ARHGEF2: variants seen among roughly 807,000 people sequenced by gnomAD.
ARHGEF2 encodes rho guanine nucleotide exchange factor 2.
Under a neutral mutation model 121.0 loss-of-function variants are expected in ARHGEF2, and 22 were observed. The observed-to-expected ratio is 0.18, with a 90% CI of 0.13 to 0.26. The LOEUF (loss-of-function observed/expected upper bound fraction) is 0.26, where lower values mean the gene tolerates loss of function less well. Ranked by LOEUF, ARHGEF2 falls within the 10% of genes least tolerant of loss-of-function variation. The pLI, the probability that ARHGEF2 is intolerant of heterozygous loss-of-function variation, is 1.00. For synonymous variants in ARHGEF2, 487 were observed against 530.0 expected, an observed-to-expected ratio of 0.92 and a Z score of 1.11; for missense variants, 907 against 1,336.0, an observed-to-expected ratio of 0.68 and a Z score of 5.01.
intron 14 of ARHGEF2, among the ~76,000 whole-genome samples, chr1:155,954,487 A>G (rs1295528039): frequency 6.9e-6 from 1 of 145,632 alleles, no homozygotes; most frequent in Non-Finnish European, 1.5e-5. Context: ...ACGGGGTTTC[A>G]CCGTGTTAGC....
chr1:155,954,531 G>C (rs79674867), intron 14 of ARHGEF2, among the ~76,000 whole-genome samples: 1 of 139,338 alleles, frequency 7.2e-6, no homozygotes, highest in Non-Finnish European at 1.5e-5. Context: ...CTCGTGATCC[G>C]CCCACCTCGG....
Position 155,961,224 on chromosome 1 carries a change from T to C in ARHGEF2, c.1468+437A>G, listed in dbSNP as rs189808752. ...TTCTGCCACAGAGATCCTATTTTTC[T>C]CTCCCACTGAGTCTCACTGTTGTAT... On this transcript the variant is annotated intron_variant, in intron 11 of 21. Transcript: ENST00000361247. The surrounding 1 kb of genome is among the most constrained non-coding windows in gnomAD (Gnocchi z 4.7). Among the ~76,000 whole-genome samples the C allele has an allele frequency of 6.6e-6, 1 of 152,092 alleles. No homozygotes were observed. Among genetic ancestry groups the C allele is most frequent in the East Asian group, 1.9e-4 (1 of 5,184 alleles).
chr1:155,969,544 C>T (rs894461017), intron 1 of ARHGEF2: 24 of 1,349,912 alleles, frequency 1.8e-5, no homozygotes, highest in East Asian at 5.9e-5. Flanking sequence ...CTGGCCCCTA[C>T]GGCTGGGCTG....
At chr1:155,979,411 AT>A, upstream of ARHGEF2, 1 of 825,192 alleles carries the variant, frequency 1.2e-6, no homozygotes, top group Non-Finnish European at 1.5e-6. Context: ...AAGGTGGGGC[AT>A]TCATCTCTCT....
intron 14 of ARHGEF2, among the ~76,000 whole-genome samples, chr1:155,953,746 CAAAAAAAAAAAA>C (rs926082849): frequency 4.4e-5 from 2 of 45,314 alleles, no homozygotes; most frequent in Non-Finnish European, 9.5e-5. Context: ...GACCCTGTCT[CAAAAAAAAAAAA>C]AAAAAAAAGA....
chr1:155,957,646 G>T, intron 13 of ARHGEF2, 67 bp downstream of exon 13: 2 of 1,505,900 alleles, frequency 1.3e-6, no homozygotes. Flanking sequence ...GGAGTTCTAT[G>T]GTTGGGATCT....
Position 155,978,461 on chromosome 1 carries a change from G to T in ARHGEF2, c.-34C>A, listed in dbSNP as rs1171746334. On this transcript the variant is annotated 5_prime_UTR_variant, in exon 1 of 22. Transcript: ENST00000361247. The surrounding 1 kb of genome is among the most constrained non-coding windows in gnomAD (Gnocchi z 4.1). ...GGGGGGACCAGGGAGGACGCGGCGC[G>T]GACCCCGGCGTCCTGTATTGTTGGG... 3 of 1,448,254 alleles carry T rather than the reference G, an allele frequency of 2.1e-6. No individual in the cohort carries two copies. Among genetic ancestry groups the T allele is most frequent in the Admixed American group, 4.8e-5 (2 of 41,824 alleles). 89.7% of individuals were successfully genotyped at this position (1,448,254 alleles called of 1,614,324 possible).
chr1:155,968,431 T>G (rs1392255473), intron 2 of ARHGEF2: 1 of 151,994 alleles, frequency 6.6e-6, no homozygotes, highest in Non-Finnish European at 1.5e-5. Flanking sequence ...TGCCATAACT[T>G]CAGGAGGAAT....
chr1:155,966,765 G>T, intron 3 of ARHGEF2, 55 bp downstream of exon 3: 1 of 1,494,968 alleles, frequency 6.7e-7, no homozygotes, highest in Non-Finnish European at 9.3e-7. Context: ...AGGCATGAGG[G>T]TACCGCACAC....
At chr1:155,964,214 ATATTT>A in intron 7 of ARHGEF2, among the ~76,000 whole-genome samples, 1 of 133,894 alleles carries the variant, frequency 7.5e-6, no homozygotes, top group African/African-American at 2.9e-5. Flanking sequence ...ATATATATAT[ATATTT>A]TTTTTTTAGA....
intron 2 of ARHGEF2, among the ~76,000 whole-genome samples, chr1:155,967,355 A>C (rs527826102): frequency 2.0e-5 from 3 of 152,282 alleles, no homozygotes; most frequent in Non-Finnish European, 4.4e-5. Context: ...ACATTTACTT[A>C]ATCCTAACCA....
chr1:155,951,362 C>T lies in ARHGEF2; in HGVS notation c.2260-90G>A. The T allele has an allele frequency of 6.3e-7, 1 of 1,575,542 alleles. No homozygotes were observed. The highest frequency in any genetic ancestry group is 1.1e-5 in the South Asian group (1 of 87,910). On this transcript the variant is annotated intron_variant, in intron 19 of 21. Coordinates refer to ENST00000361247, the MANE Select transcript of ARHGEF2 (RefSeq NM_001162383.2). This position sits in a 1 kb window ranked among gnomAD's most constrained non-coding sequence, Gnocchi z 5.1. ...ACCCTCCAAGGCCCAGATCATCGCT[C>T]CTGGAGAGCTTGGATTGGGAGGGTA...
chr1:155,957,960 CGAGGACTGA>C, intron 12 of ARHGEF2, 78 bp from the exon 13 acceptor site: 1 of 1,456,124 alleles, frequency 6.9e-7, no homozygotes. Context: ...TCCTTCTGGA[CGAGGACTGA>C]AAGGACTGAA....
Position 155,978,077 on chromosome 1 carries a change from T to G in ARHGEF2, c.63+288A>C. ...CGCTCCGTCCCTTACCGGAGCAACT[T>G]TCTTTCAAGCGGCCTAAAGCACTCG... On this transcript the variant is annotated intron_variant, in intron 1 of 21. Transcript: ENST00000361247. The surrounding 1 kb of genome is among the most constrained non-coding windows in gnomAD (Gnocchi z 4.1). 1 of 1,169,988 alleles carries G rather than the reference T, an allele frequency of 8.5e-7. No individual in the cohort carries two copies. The highest frequency in any genetic ancestry group is 1.1e-6 in the Non-Finnish European group (1 of 946,894). 72.5% of individuals were successfully genotyped at this position (1,169,988 alleles called of 1,614,324 possible).
intron 1 of ARHGEF2, chr1:155,970,887 G>A: frequency 2.0e-6 from 2 of 986,218 alleles, no homozygotes; most frequent in Non-Finnish European, 1.2e-6. Flanking sequence ...CAGAGGTCTT[G>A]GGGTCAATCC....
At chr1:155,967,128 G>A (rs1177571038) in intron 2 of ARHGEF2, among the ~76,000 whole-genome samples, 1 of 152,142 alleles carries the variant, frequency 6.6e-6, no homozygotes, top group Non-Finnish European at 1.5e-5. Flanking sequence ...AGTGGGATGG[G>A]CAATCCTGAC....
intron 21 of ARHGEF2, among the ~76,000 whole-genome samples, chr1:155,949,264 TAAATAAAATAAAATAAAATA>T (rs558077837): frequency 6.3e-4 from 92 of 145,950 alleles, no homozygotes; most frequent in Admixed American, 4.8e-3. Context: ...AATAAATAAA[TAAATAAAATAAAATAAAATA>T]AAATAAAATA....
In ARHGEF2 at chr1:155,966,492, G is replaced by A. The variant is rs993725988; in HGVS notation, c.277-13C>T. The A allele has an allele frequency of 1.9e-6, 3 of 1,613,790 alleles. No homozygotes were observed. The highest frequency in any genetic ancestry group is 2.7e-5 in the African/African-American group (2 of 74,904). ...CCGCTTTCTGTTGCTGTGAGACAGA[G>A]AGCAGGAGAGAGATACCAAGAATGG... On this transcript the variant is annotated splice_polypyrimidine_tract_variant and intron_variant, in intron 3 of 21. Coordinates refer to ENST00000361247, the MANE Select transcript of ARHGEF2 (RefSeq NM_001162383.2).
At chr1:155,979,044 T>A, upstream of ARHGEF2, 1 of 985,510 alleles carries the variant, frequency 1.0e-6, no homozygotes, top group Non-Finnish European at 1.2e-6. Context: ...CTTTTACGAT[T>A]GGGGGCAGGG....
Sources: allele counts gnomAD v4.1 joint callset (sites outside exome capture counted in the v4.1 genomes callset), GRCh38; gene constraint gnomAD v4.1.1; non-coding constraint Gnocchi (gnomAD v3.1); transcripts MANE v1.5; gene names NCBI Gene and HGNC (gene_info 2026-07-23, HGNC 2026-07-21).